CSPP1: variants seen among roughly 807,000 people sequenced by gnomAD.
The protein encoded by CSPP1 is centrosome and spindle pole associated protein 1, also known as centrosome and spindle pole-associated protein 1.
In CSPP1, 126 loss-of-function variants were observed where a neutral mutation model predicts 164.4. The ratio of observed to expected loss-of-function variants is 0.77; its 90% confidence interval spans 0.66 to 0.89. The LOEUF is 0.89. CSPP1 is among the 40% of genes least tolerant of loss of function. The pLI, the probability that CSPP1 is intolerant of heterozygous loss-of-function variation, is 0.00. For missense variants in CSPP1, 1,395 were observed against 1,449.8 expected, an observed-to-expected ratio of 0.96 and a Z score of 0.61; for synonymous variants, 472 against 476.7, an observed-to-expected ratio of 0.99 and a Z score of 0.13.
chr8:67,184,771 G>T (rs1834014431), intron 28 of CSPP1, among the ~76,000 whole-genome samples: 3 of 132,558 alleles, frequency 2.3e-5, no homozygotes, highest in African/African-American at 6.6e-5. Flanking sequence ...TAATAATAAA[G>T]GTTGGGGGGC....
intron 12 of CSPP1, chr8:67,115,316 T>G (rs2129550704): frequency 6.6e-6 from 1 of 152,436 alleles, no homozygotes; most frequent in East Asian, 1.9e-4. Flanking sequence ...TATTTACTAA[T>G]AGTGAGACCT....
intron 22 of CSPP1, 94 bp downstream of exon 22, chr8:67,162,009 T>C: frequency 2.4e-6 from 2 of 819,168 alleles, no homozygotes; most frequent in Non-Finnish European, 4.0e-6. Flanking sequence ...TTTGGATAGG[T>C]TAAATTTTTT....
At chr8:67,124,557 G>A (rs1370581531) in intron 15 of CSPP1, among the ~76,000 whole-genome samples, 1 of 152,110 alleles carries the variant, frequency 6.6e-6, no homozygotes, top group African/African-American at 2.4e-5. Context: ...TTGGAGTGCA[G>A]TGGCATGATC....
At chr8:67,088,843 G>T (rs936666234) in intron 4 of CSPP1, among the ~76,000 whole-genome samples, 3 of 151,006 alleles carry the variant, frequency 2.0e-5, no homozygotes, top group African/African-American at 7.3e-5. Flanking sequence ...CTTGCAGTGA[G>T]CCGAGATCGC....
chr8:67,187,705 C>CA (rs1218083098), intron 28 of CSPP1, among the ~76,000 whole-genome samples: 2 of 152,086 alleles, frequency 1.3e-5, no homozygotes. Context: ...GAAATAGACT[C>CA]ACGCAAATAC....
rs779579881 is a variant in CSPP1, at chr8:67,164,421, C to G, written c.2741C>G (p.Ser914Ter). The G allele has an allele frequency of 3.1e-6, 5 of 1,595,076 alleles. No individual in the cohort carries two copies. The South Asian group carries it at 5.5e-5, about 18-fold the overall frequency. ...EEKKNVIMEL[S>*]EMRKQLRSEE... ...AAAAAAAATGTAATTATGGAATTATCAGAAATGAGAAAACAGCTTCGTAGT... is the reference window on the plus strand; with the variant it reads ...AAAAAAAATGTAATTATGGAATTATGAGAAATGAGAAAACAGCTTCGTAGT... Residue 914 changes from serine to a stop codon, truncating the protein, a stop_gained, in exon 24 of 31, where the codon TCA becomes TGA. Transcript: ENST00000678616. LOFTEE classifies it high-confidence loss of function.
intron 4 of CSPP1, among the ~76,000 whole-genome samples, chr8:67,088,896 C>CA (rs775095024): frequency 0.059 from 5,739 of 97,458 alleles, 315 homozygotes; most frequent in African/African-American, 0.17. Context: ...GAATCCGTCT[C>CA]AAAAAAAAAA....
intron 24 of CSPP1, among the ~76,000 whole-genome samples, chr8:67,171,087 A>AT (rs765450150): frequency 1.6e-3 from 198 of 120,828 alleles, no homozygotes; most frequent in Non-Finnish European, 1.9e-3. Context: ...TGCCCGGCCA[A>AT]TTTTTTTTTT....
At chr8:67,149,516 C>T (rs1472128781) in intron 17 of CSPP1, among the ~76,000 whole-genome samples, 4 of 152,096 alleles carry the variant, frequency 2.6e-5, no homozygotes, top group Non-Finnish European at 5.9e-5. Context: ...AACATAGATA[C>T]TGTTAATATG....
At chr8:67,111,714 C>G (rs1349513302) in intron 9 of CSPP1, among the ~76,000 whole-genome samples, 1 of 152,078 alleles carries the variant, frequency 6.6e-6, no homozygotes, top group Non-Finnish European at 1.5e-5. Flanking sequence ...TAAGAACATT[C>G]TGTTATTTAG....
intron 20 of CSPP1, 113 bp from the exon 21 acceptor site, chr8:67,158,878 A>C: frequency 1.0e-6 from 1 of 993,148 alleles, no homozygotes; most frequent in Non-Finnish European, 1.5e-6. Context: ...AAAGAACACC[A>C]TATCATGTCA....
chr8:67,112,274 G>A (rs1283954616), intron 10 of CSPP1, among the ~76,000 whole-genome samples: 15 of 148,630 alleles, frequency 1.0e-4, no homozygotes. Context: ...GCAAGTGAGA[G>A]TATTTATATA....
At chr8:67,194,432 A>C (rs956375868) in intron 30 of CSPP1, among the ~76,000 whole-genome samples, 2 of 152,208 alleles carry the variant, frequency 1.3e-5, no homozygotes, top group African/African-American at 4.8e-5. Flanking sequence ...TCCACACCAA[A>C]CACAAAGCAG....
Position 67,196,108 on chromosome 8 carries a change from CTGTAATTACT to C in CSPP1, c.*520_*529del, listed in dbSNP as rs1467103604. 1 of 152,812 alleles carries C rather than the reference CTGTAATTACT, an allele frequency of 6.5e-6. No individual in the cohort carries two copies. Among genetic ancestry groups the C allele is most frequent in the Non-Finnish European group, 1.5e-5 (1 of 68,526 alleles). The allele number at this position is 152,812 out of a possible 1,614,324, so 9.5% of individuals were successfully genotyped here. ...ACTGATACAGCAGAAATGAAGGGAA[CTGTAATTACT>C]TGTATTTTTGTAAGCCATACGTTAA... On this transcript the variant is annotated 3_prime_UTR_variant, in exon 31 of 31. Coordinates refer to ENST00000678616, the MANE Select transcript of CSPP1 (RefSeq NM_001382391.1).
At chr8:67,130,041 C>T (rs1184393910) in intron 15 of CSPP1, among the ~76,000 whole-genome samples, 2 of 152,108 alleles carry the variant, frequency 1.3e-5, no homozygotes, top group Non-Finnish European at 2.9e-5. Flanking sequence ...CAGCCAACTT[C>T]AATAGAAAGT....
chr8:67,110,256 A>T (rs1266556694), intron 9 of CSPP1, among the ~76,000 whole-genome samples: 3 of 151,452 alleles, frequency 2.0e-5, no homozygotes, highest in Non-Finnish European at 4.4e-5. Context: ...TTTTTTCCCA[A>T]ATGATTTTTC....
chr8:67,135,484 A>G (rs1563648029), intron 16 of CSPP1: 1 of 152,158 alleles, frequency 6.6e-6, no homozygotes, highest in Non-Finnish European at 1.5e-5. Flanking sequence ...TAGAGATGGC[A>G]GCTTTCCCTC....
In CSPP1 at chr8:67,093,607, G is replaced by T. The variant is rs368448780; in HGVS notation, c.449G>T (p.Ser150Ile). 8.7e-6 allele frequency: 14 copies of T among 1,612,398 alleles called. No individual in the cohort carries two copies. The highest frequency in any genetic ancestry group is 1.2e-5 in the Non-Finnish European group (14 of 1,178,756). Reference sequence around the variant, plus strand: ...TTTCTCAGGGGTAAGGAAGAATCCAGTGAAAAGTTCAGGCAGGTGGAAAAG... The same window carrying T: ...TTTCTCAGGGGTAAGGAAGAATCCATTGAAAAGTTCAGGCAGGTGGAAAAG... Reference protein sequence around the residue: ...NQFLRGKEESSEKFRQVEKST... With the variant: ...NQFLRGKEESIEKFRQVEKST... The change falls in exon 6 of 31, where the codon AGT becomes ATT. Residue 150 changes from serine to isoleucine, a missense_variant. By Grantham distance (142) the Ser-to-Ile change is moderately radical. Transcript: ENST00000678616.
At chr8:67,072,305 T>G (rs1806980520) in intron 1 of CSPP1, among the ~76,000 whole-genome samples, 1 of 151,970 alleles carries the variant, frequency 6.6e-6, no homozygotes, top group Non-Finnish European at 1.5e-5. Flanking sequence ...AAAAAGATTT[T>G]TTTTAGATAG....
Sources: gnomAD v4.1 joint callset for allele counts (sites outside exome capture counted in the v4.1 genomes callset) on GRCh38, gnomAD v4.1.1 for gene constraint, MANE v1.5 for transcripts, NCBI Gene and HGNC (gene_info 2026-07-23, HGNC 2026-07-21) for gene names.